ENAH: variants seen among roughly 807,000 people sequenced by gnomAD.
ENAH encodes protein enabled homolog.
In ENAH, 23 loss-of-function variants were observed where a neutral mutation model predicts 78.7. The observed-to-expected ratio is 0.29, with a 90% CI of 0.21 to 0.41. The LOEUF (loss-of-function observed/expected upper bound fraction) is 0.41. ENAH is among the 10% of genes least tolerant of loss of function. The pLI, the probability that ENAH is intolerant of heterozygous loss-of-function variation, is 1.00. For missense variants in ENAH, 544 were observed against 691.0 expected (o/e 0.79, Z 2.39); for synonymous variants, 226 against 241.0 (o/e 0.94, Z 0.58).
At chr1:225,556,163 T>C (rs1165375881) in intron 2 of ENAH, among the ~76,000 whole-genome samples, 4 of 152,242 alleles carry the variant, frequency 2.6e-5, no homozygotes, top group South Asian at 2.1e-4. Flanking sequence ...AAAATTGCGA[T>C]GTTATGAACT....
intron 1 of ENAH, among the ~76,000 whole-genome samples, chr1:225,584,502 AAAACAGAAGGGAC>A (rs1328253301): frequency 1.3e-5 from 2 of 152,228 alleles, no homozygotes; most frequent in East Asian, 3.8e-4. Flanking sequence ...CAAAGGACTG[AAAACAGAAGGGAC>A]AAACAGAATA....
At chr1:225,562,891 T>C (rs955874430) in intron 2 of ENAH, among the ~76,000 whole-genome samples, 1 of 151,626 alleles carries the variant, frequency 6.6e-6, no homozygotes, top group African/African-American at 2.4e-5. Context: ...AAGGATCACT[T>C]GAGCCCAGGA....
chr1:225,631,945 A>C (rs1306725991), intron 1 of ENAH, among the ~76,000 whole-genome samples: 2 of 150,794 alleles, frequency 1.3e-5, no homozygotes, highest in African/African-American at 5.0e-5. Flanking sequence ...TAACAGTTTA[A>C]GTTTTTCTCC....
At chr1:225,650,481 T>C (rs1170009798) in intron 1 of ENAH, among the ~76,000 whole-genome samples, 2 of 152,208 alleles carry the variant, frequency 1.3e-5, no homozygotes, top group African/African-American at 4.8e-5. Context: ...TAAACTTCAC[T>C]GAATACCCAA....
chr1:225,508,845 T>G (rs2096354861), intron 10 of ENAH, among the ~76,000 whole-genome samples: 1 of 152,222 alleles, frequency 6.6e-6, no homozygotes, highest in Non-Finnish European at 1.5e-5. Context: ...ATTGTATAGT[T>G]TTAACTAAAA....
chr1:225,556,935 G>A (rs2096669994), intron 2 of ENAH, among the ~76,000 whole-genome samples: 1 of 152,136 alleles, frequency 6.6e-6, no homozygotes, highest in East Asian at 1.9e-4. Context: ...TCACTGTGCT[G>A]CAGGTTTGCC....
At chr1:225,533,643 A>G (rs1409049997) in intron 3 of ENAH, among the ~76,000 whole-genome samples, 2 of 152,154 alleles carry the variant, frequency 1.3e-5, no homozygotes, top group Non-Finnish European at 2.9e-5. Flanking sequence ...GTATATAGCA[A>G]AGTCTGTGAG....
In ENAH at chr1:225,495,465, T is replaced by TG. The variant is rs2096245149; in HGVS notation, c.*2309_*2310insC. On this transcript the variant is annotated 3_prime_UTR_variant, in exon 14 of 14. Coordinates refer to ENST00000366843, the MANE Select transcript of ENAH (RefSeq NM_018212.6). ...GCATGATTCAACACTGGTTTTTTTT[T>TG]TTTTTTTTTTTTGTCAGTTTACACA... is the stretch of plus-strand genomic sequence containing the variant. 1 of 150,214 alleles carries TG rather than the reference T, an allele frequency of 6.7e-6. No individual in the cohort carries two copies. Among genetic ancestry groups the TG allele is most frequent in the South Asian group, 2.1e-4 (1 of 4,734 alleles). The allele number at this position is 150,214 out of a possible 1,614,324, so 9.3% of individuals were successfully genotyped here.
At chr1:225,553,506 T>G (rs993436133) in intron 3 of ENAH, among the ~76,000 whole-genome samples, 1 of 151,992 alleles carries the variant, frequency 6.6e-6, no homozygotes, top group Non-Finnish European at 1.5e-5. Context: ...GATAGTCAAA[T>G]GTCTACTCTC....
At chr1:225,578,342 G>A (rs890854746) in intron 1 of ENAH, among the ~76,000 whole-genome samples, 4 of 152,166 alleles carry the variant, frequency 2.6e-5, no homozygotes, top group African/African-American at 9.7e-5. Context: ...AGGCACAATG[G>A]TGTGCACCTG....
chr1:225,557,409 G>A (rs2096672411), intron 2 of ENAH, among the ~76,000 whole-genome samples: 1 of 152,052 alleles, frequency 6.6e-6, no homozygotes, highest in Non-Finnish European at 1.5e-5. Flanking sequence ...CATTCACAAT[G>A]TATTTATCTC....
At chr1:225,556,513 G>A (rs1024605811) in intron 2 of ENAH, among the ~76,000 whole-genome samples, 5 of 151,986 alleles carry the variant, frequency 3.3e-5, no homozygotes, top group African/African-American at 1.2e-4. Flanking sequence ...TAAGTCTCTT[G>A]TCCATTTTTC....
chr1:225,519,600 C>T, intron 4 of ENAH, 35 bp from the exon 5 acceptor site: 1 of 1,573,710 alleles, frequency 6.4e-7, no homozygotes, highest in Non-Finnish European at 8.6e-7. Flanking sequence ...AAACATGCAT[C>T]TATGGCTACT....
intron 1 of ENAH, among the ~76,000 whole-genome samples, chr1:225,586,049 T>C (rs2096844496): frequency 6.6e-6 from 1 of 151,776 alleles, no homozygotes; most frequent in Non-Finnish European, 1.5e-5. Flanking sequence ...CTCTTAACTC[T>C]ATAAAAAATT....
intron 1 of ENAH, among the ~76,000 whole-genome samples, chr1:225,588,799 G>A (rs2096860307): frequency 1.5e-5 from 1 of 67,052 alleles, no homozygotes. Context: ...GCAAGTCTGT[G>A]TCAAAAAAAA....
chr1:225,501,512 G>C (rs1260408160), intron 11 of ENAH, among the ~76,000 whole-genome samples: 3 of 152,200 alleles, frequency 2.0e-5, no homozygotes, highest in Non-Finnish European at 1.5e-5. Context: ...ATAAAGACTT[G>C]AATGTTTTAC....
At chr1:225,599,651 CA>C (rs371970312) in intron 1 of ENAH, among the ~76,000 whole-genome samples, 105 of 151,700 alleles carry the variant, frequency 6.9e-4, no homozygotes, top group African/African-American at 2.4e-3. Flanking sequence ...ACTAAAAATT[CA>C]AAAAAATTAG....
intron 1 of ENAH, among the ~76,000 whole-genome samples, chr1:225,617,638 G>A (rs1656033779): frequency 6.6e-6 from 1 of 152,172 alleles, no homozygotes. Context: ...AACTTAATTT[G>A]TATCATCACA....
At chr1:225,590,250 GA>G (rs2096869091) in intron 1 of ENAH, among the ~76,000 whole-genome samples, 1 of 152,016 alleles carries the variant, frequency 6.6e-6, no homozygotes, top group Non-Finnish European at 1.5e-5. Context: ...TTGGGAGACC[GA>G]ATCACTTGAG....
Sources: gnomAD v4.1 joint callset for allele counts (sites outside exome capture counted in the v4.1 genomes callset) on GRCh38, gnomAD v4.1.1 for gene constraint, MANE v1.5 for transcripts, NCBI Gene and HGNC (gene_info 2026-07-23, HGNC 2026-07-21) for gene names.